ALLC: variants seen among roughly 807,000 people sequenced by gnomAD.
ALLC encodes the protein probable inactive allantoicase.
In ALLC, 40 loss-of-function variants were observed where a neutral mutation model predicts 45.0. That is an observed-to-expected ratio of 0.89 (90% CI 0.69 to 1.16). The LOEUF (loss-of-function observed/expected upper bound fraction) is 1.16. Among genes scored for constraint, ALLC ranks in the 50% most tolerant of loss-of-function variants. The pLI is 0.00. For synonymous variants in ALLC, 176 were observed against 178.1 expected, an observed-to-expected ratio of 0.99 and a Z score of 0.09; for missense variants, 488 against 493.1, an observed-to-expected ratio of 0.99 and a Z score of 0.10.
Position 3,696,452 on chromosome 2 carries a change from A to G in ALLC, c.741+104A>G. 3.6e-6 allele frequency: 3 copies of G among 833,738 alleles called. No individual in the cohort carries two copies. The Admixed American group carries it at 8.4e-5, about 23-fold the overall frequency. The allele number at this position is 833,738 out of a possible 1,614,324, so 51.6% of individuals were successfully genotyped here. A position where few individuals can be genotyped will look rare whatever the true frequency, so the allele number is the denominator to read the frequency against. On this transcript the variant is annotated intron_variant, in intron 9 of 11. Transcript: ENST00000252505. ...TGCACATTTTAGAAACCTCATATGC[A>G]TTGTTCTAAATGCTAATTACTATGA...
Position 3,680,335 on chromosome 2 carries a change from T to C in ALLC, c.298+341T>C, listed in dbSNP as rs1007902725. Reference sequence around the variant, plus strand: ...TTTGTGCCTCAGATGACCCGGGTGATGTGGACCCAGGTCTGGGACAGCTGT... The same window carrying C: ...TTTGTGCCTCAGATGACCCGGGTGACGTGGACCCAGGTCTGGGACAGCTGT... On this transcript the variant is annotated intron_variant, in intron 5 of 11. Transcript: ENST00000252505. This position sits in a 1 kb window ranked among gnomAD's most constrained non-coding sequence, Gnocchi z 4.0. Among the ~76,000 whole-genome samples, 1 of 152,176 alleles carries C rather than the reference T, an allele frequency of 6.6e-6. No individual in the cohort carries two copies. Among genetic ancestry groups the C allele is most frequent in the African/African-American group, 2.4e-5 (1 of 41,528 alleles).
At chr2:3,701,709 A>G in intron 11 of ALLC, 73 bp downstream of exon 11, 3 of 1,484,842 alleles carry the variant, frequency 2.0e-6, no homozygotes, top group Non-Finnish European at 2.7e-6. Context: ...TTGAAGGATT[A>G]GGATACGCTC....
Position 3,699,009 on chromosome 2 carries a change from C to T in ALLC, c.850+1553C>T, listed in dbSNP as rs538568845. On this transcript the variant is annotated intron_variant, in intron 10 of 11. Coordinates refer to ENST00000252505, the MANE Select transcript of ALLC (RefSeq NM_018436.4). ...GTAATTTTAACTTATTTTGGAAAGA[C>T]GGCATTTTATCTGTTTTTTCTTTTA... 1.9e-3 allele frequency among the ~76,000 whole-genome samples: 294 copies of T among 152,092 alleles called. 1 individual carries two copies. Among genetic ancestry groups the T allele is most frequent in the African/African-American group, 6.7e-3 (277 of 41,396 alleles).
At chr2:3,682,096 G>A (rs1667195966) in intron 6 of ALLC, among the ~76,000 whole-genome samples, 1 of 152,154 alleles carries the variant, frequency 6.6e-6, no homozygotes, top group South Asian at 2.1e-4. Flanking sequence ...TAGGGCTTGT[G>A]TTTTGGTACA....
chr2:3,664,256 G>A (rs1666641319), intron 1 of ALLC, among the ~76,000 whole-genome samples: 1 of 152,164 alleles, frequency 6.6e-6, no homozygotes, highest in African/African-American at 2.4e-5. Flanking sequence ...TTCAACCAGA[G>A]GCCAATGTGC....
intron 1 of ALLC, among the ~76,000 whole-genome samples, chr2:3,665,587 G>A (rs1353413427): frequency 2.0e-5 from 3 of 151,854 alleles, no homozygotes; most frequent in Admixed American, 2.0e-4. Context: ...TCCTGCGTTA[G>A]TTTGCTGAGG....
Position 3,680,095 on chromosome 2 carries a change from C to T in ALLC, c.298+101C>T. The T allele has an allele frequency of 6.6e-7, 1 of 1,517,164 alleles. No homozygotes were observed. The highest frequency in any genetic ancestry group is 9.0e-7 in the Non-Finnish European group (1 of 1,107,942). The allele number at this position is 1,517,164 out of a possible 1,614,324, so 94.0% of individuals were successfully genotyped here. The stretch of plus-strand genomic sequence containing the variant: ...CTGCTCACTTTCCCTACCACCCAGA[C>T]AGCTTCAGGCGCTTGACTAAGGCTA... On this transcript the variant is annotated intron_variant, in intron 5 of 11. Transcript: ENST00000252505. The surrounding 1 kb of genome is among the most constrained non-coding windows in gnomAD (Gnocchi z 4.0).
intron 1 of ALLC, among the ~76,000 whole-genome samples, chr2:3,666,468 C>A (rs1666727055): frequency 6.6e-6 from 1 of 152,316 alleles, no homozygotes; most frequent in East Asian, 1.9e-4. Flanking sequence ...TGGTGAGACC[C>A]ACAGGCCACA....
At chr2:3,657,561 C>T (rs566589369), upstream of ALLC, among the ~76,000 whole-genome samples, 14 of 152,306 alleles carry the variant, frequency 9.2e-5, no homozygotes, top group African/African-American at 3.1e-4. Context: ...GCTTGCCCCG[C>T]AGGGTGGCTG....
At chr2:3,674,674 C>G (rs1165962996) in intron 3 of ALLC, among the ~76,000 whole-genome samples, 1 of 152,154 alleles carries the variant, frequency 6.6e-6, no homozygotes, top group Non-Finnish European at 1.5e-5. Context: ...GGGCAGCGGC[C>G]ATCTGGTTAC....
At chr2:3,675,476 G>A (rs1666998338) in intron 3 of ALLC, among the ~76,000 whole-genome samples, 1 of 151,896 alleles carries the variant, frequency 6.6e-6, no homozygotes, top group Non-Finnish European at 1.5e-5. Flanking sequence ...GAGTTTGAAG[G>A]CGCACACATC....
intron 10 of ALLC, among the ~76,000 whole-genome samples, chr2:3,700,265 C>T (rs998752723): frequency 1.3e-5 from 2 of 152,124 alleles, no homozygotes; most frequent in African/African-American, 4.8e-5. Context: ...ATTCATTTCC[C>T]CATTGCTTGT....
intron 1 of ALLC, among the ~76,000 whole-genome samples, chr2:3,669,646 T>C (rs192362908): frequency 6.6e-6 from 1 of 151,942 alleles, no homozygotes; most frequent in Non-Finnish European, 1.5e-5. Context: ...AGACTCCATC[T>C]CAAAAATAAA....
chr2:3,696,333 G>A lies in ALLC; in HGVS notation c.726G>A (p.Arg242=). The A allele has an allele frequency of 1.2e-6, 2 of 1,612,932 alleles. No individual in the cohort carries two copies. Among genetic ancestry groups the A allele is most frequent in the South Asian group, 1.1e-5 (1 of 90,790 alleles). The change falls in exon 9 of 12, where the codon CGG becomes CGA. Residue 242 remains arginine (R), a synonymous_variant. Transcript: ENST00000252505. ...GGGAAACTGCAAGAAGGCTGGACCG[G>A]CCACCAATATTAGAAGTAAGAAGTT... ...DGWETARRLD[R]PPILENDENG...
intron 7 of ALLC, chr2:3,688,492 T>C (rs923135633): frequency 5.1e-6 from 1 of 195,436 alleles, no homozygotes; most frequent in African/African-American, 2.4e-5. Flanking sequence ...AAAGTTGTCA[T>C]GGATGACCTT....
At chr2:3,683,244 C>G (rs1465098452) in intron 7 of ALLC, among the ~76,000 whole-genome samples, 170 bp downstream of exon 7, 2 of 152,150 alleles carry the variant, frequency 1.3e-5, no homozygotes, top group Non-Finnish European at 2.9e-5. Flanking sequence ...TTTTAATCCA[C>G]ACATCAATAG....
At chr2:3,668,321 A>G (rs1185895261) in intron 1 of ALLC, among the ~76,000 whole-genome samples, 1 of 152,048 alleles carries the variant, frequency 6.6e-6, no homozygotes, top group Non-Finnish European at 1.5e-5. Flanking sequence ...GGCAGGACAG[A>G]AGGGAAAGGG....
chr2:3,668,445 C>CT (rs1376542966), intron 1 of ALLC, among the ~76,000 whole-genome samples: 4 of 151,676 alleles, frequency 2.6e-5, no homozygotes, highest in Non-Finnish European at 5.9e-5. Flanking sequence ...CTAAGGACGG[C>CT]TTGTAGACAG....
At chr2:3,666,826 G>A (rs534217736) in intron 1 of ALLC, among the ~76,000 whole-genome samples, 2 of 152,162 alleles carry the variant, frequency 1.3e-5, no homozygotes, top group Non-Finnish European at 2.9e-5. Context: ...TAATCTTTTC[G>A]GAGCTCTTCC....
Sources: gnomAD v4.1 joint callset for allele counts (sites outside exome capture counted in the v4.1 genomes callset) on GRCh38, gnomAD v4.1.1 for gene constraint, Gnocchi (gnomAD v3.1) non-coding constraint, MANE v1.5 for transcripts, NCBI Gene and HGNC (gene_info 2026-07-23, HGNC 2026-07-21) for gene names.